The following STK39 variants were observed in gnomAD, a reference collection of about 807,000 sequenced individuals.
The protein encoded by STK39 is STE20/SPS1-related proline-alanine-rich protein kinase.
In STK39, 20 loss-of-function variants were observed where a neutral mutation model predicts 77.8. The ratio of observed to expected loss-of-function variants is 0.26; its 90% CI spans 0.18 to 0.37. The LOEUF (loss-of-function observed/expected upper bound fraction) is 0.37, where lower values mean the gene tolerates loss of function less well. Among genes scored for constraint, STK39 ranks in the 10% least tolerant of loss-of-function variants. STK39 has a pLI of 1.00. For synonymous variants in STK39, 246 were observed against 234.1 expected (o/e 1.05, Z -0.47); for missense variants, 479 against 656.5 (o/e 0.73, Z 2.95).
chr2:168,057,539 C>T lies in STK39; in HGVS notation c.1376+5961G>A, dbSNP rs538164260. Among the ~76,000 whole-genome samples the T allele has an allele frequency of 4.7e-4, 71 of 151,764 alleles. No homozygotes were observed. The South Asian group carries it at 9.9e-3, about 21-fold the overall frequency. ...TTGTGTTTCCTTAATTATAATCACA[C>T]GCACGTGCACACACACACACGCATG... is the stretch of plus-strand genomic sequence containing the variant. On this transcript the variant is annotated intron_variant, in intron 14 of 17. Transcript: ENST00000355999.
chr2:168,225,333 T>G (rs1213909820), intron 1 of STK39, among the ~76,000 whole-genome samples: 1 of 150,130 alleles, frequency 6.7e-6, no homozygotes, highest in Non-Finnish European at 1.5e-5. Flanking sequence ...GAGGATCAGA[T>G]TCTCTTCTCA....
At chr2:167,960,372 T>A (rs1450523805) in intron 17 of STK39, among the ~76,000 whole-genome samples, 1 of 148,528 alleles carries the variant, frequency 6.7e-6, no homozygotes. Context: ...AACAGCTTCT[T>A]TGGGTCTTCA....
At chr2:168,025,633 G>T (rs576076194) in intron 14 of STK39, among the ~76,000 whole-genome samples, 8 of 152,350 alleles carry the variant, frequency 5.3e-5, no homozygotes, top group African/African-American at 1.7e-4. Flanking sequence ...TGAGGGAGCT[G>T]CTATTCAGGG....
intron 1 of STK39, among the ~76,000 whole-genome samples, chr2:168,192,869 C>T (rs1689374967): frequency 6.6e-6 from 1 of 152,112 alleles, no homozygotes; most frequent in African/African-American, 2.4e-5. Context: ...CTACTTATCC[C>T]CACCTCCCTA....
intron 17 of STK39, among the ~76,000 whole-genome samples, chr2:167,958,819 T>C (rs1306279650): frequency 6.6e-6 from 1 of 152,242 alleles, no homozygotes; most frequent in Non-Finnish European, 1.5e-5. Flanking sequence ...TTAAAATCTA[T>C]TGGTCTACCT....
intron 1 of STK39, among the ~76,000 whole-genome samples, chr2:168,190,971 T>A (rs971169809): frequency 6.6e-6 from 1 of 152,194 alleles, no homozygotes; most frequent in African/African-American, 2.4e-5. Context: ...GATAAACGGA[T>A]ACACCCACTG....
chr2:168,246,142 T>C (rs1300232838), intron 1 of STK39, among the ~76,000 whole-genome samples: 2 of 152,192 alleles, frequency 1.3e-5, no homozygotes, highest in African/African-American at 2.4e-5. Flanking sequence ...TCCTTTTTCA[T>C]CGCTGTACTT....
intron 10 of STK39, among the ~76,000 whole-genome samples, chr2:168,127,307 C>T (rs1475313500): frequency 2.0e-5 from 3 of 152,038 alleles, no homozygotes; most frequent in Admixed American, 1.3e-4. Flanking sequence ...CCTACCACCA[C>T]GCCCAGCTAA....
At chr2:167,985,352 G>C (rs546233573) in intron 16 of STK39, among the ~76,000 whole-genome samples, 1 of 152,262 alleles carries the variant, frequency 6.6e-6, no homozygotes, top group Admixed American at 6.5e-5. Context: ...TTGTGCACTT[G>C]TTTGTTTCAC....
rs1319831660 is a variant in STK39 at position 168,245,756 on chromosome 2, G to T, written c.208+1472C>A. 2.0e-5 allele frequency among the ~76,000 whole-genome samples: 3 copies of T among 152,164 alleles called. No individual in the cohort carries two copies. In the South Asian group the frequency reaches 6.2e-4, roughly 32 times the overall value. ...ATGCCAGGTTAAAGAGGTTTCCATG[G>T]AATATTCCAGGCTTTGAGAAGCCCC... On this transcript the variant is annotated intron_variant, in intron 1 of 17. Transcript: ENST00000355999.
intron 2 of STK39, among the ~76,000 whole-genome samples, chr2:168,168,288 T>C (rs1423726731): frequency 6.6e-6 from 1 of 152,188 alleles, no homozygotes; most frequent in African/African-American, 2.4e-5. Flanking sequence ...TTCTGGAATA[T>C]TCAGTTTCAT....
intron 1 of STK39, among the ~76,000 whole-genome samples, chr2:168,213,195 C>A (rs1294226051): frequency 6.6e-6 from 1 of 152,076 alleles, no homozygotes; most frequent in Non-Finnish European, 1.5e-5. Context: ...AAGAACATAG[C>A]GCTGAATTTA....
chr2:168,025,394 C>A (rs894264990), intron 14 of STK39, among the ~76,000 whole-genome samples: 2 of 152,158 alleles, frequency 1.3e-5, no homozygotes, highest in African/African-American at 4.8e-5. Context: ...ATAGTGATGG[C>A]CCACTATCAA....
chr2:168,047,247 G>A (rs1224569012), intron 14 of STK39, among the ~76,000 whole-genome samples: 3 of 152,198 alleles, frequency 2.0e-5, no homozygotes, highest in African/African-American at 7.2e-5. Context: ...CTAGGCTAAT[G>A]TAGTCAAAAG....
At chr2:168,065,471 A>G (rs1045516909) in intron 12 of STK39, 90 bp from the exon 13 acceptor site, 78 of 1,313,632 alleles carry the variant, frequency 5.9e-5, no homozygotes, top group Non-Finnish European at 8.1e-5. Context: ...ATCAGACCCA[A>G]TAATTTCCAA....
intron 14 of STK39, among the ~76,000 whole-genome samples, chr2:168,060,514 T>A (rs1462519433): frequency 6.6e-6 from 1 of 152,180 alleles, no homozygotes; most frequent in Admixed American, 6.5e-5. Context: ...TCCACAACTA[T>A]GAGAAAATAC....
Position 167,982,780 on chromosome 2 carries a change from TC to T in STK39, c.1499-18055del, listed in dbSNP as rs1487960311. Among the ~76,000 whole-genome samples, 5 of 152,222 alleles carry T rather than the reference TC, an allele frequency of 3.3e-5. No individual in the cohort carries two copies. The East Asian group carries it at 7.7e-4, about 24-fold the overall frequency. The stretch of plus-strand genomic sequence containing the variant: ...AGCACTTTTTCAGAAGCTGCTATTT[TC>T]CCCCCACAAAGATGAAGATAGGTAG... On this transcript the variant is annotated intron_variant, in intron 16 of 17. Transcript: ENST00000355999.
chr2:168,158,903 T>C (rs1312899173), intron 5 of STK39, among the ~76,000 whole-genome samples: 1 of 152,220 alleles, frequency 6.6e-6, no homozygotes, highest in African/African-American at 2.4e-5. Flanking sequence ...ATTTGGACTG[T>C]GTTCAACAGA....
At chr2:168,110,676 TGG>T (rs1207008430) in intron 10 of STK39, among the ~76,000 whole-genome samples, 2 of 152,226 alleles carry the variant, frequency 1.3e-5, no homozygotes, top group Non-Finnish European at 2.9e-5. Context: ...GGTCTACTTC[TGG>T]GTTCTTTATT....
Sources: allele counts gnomAD v4.1 joint callset (sites outside exome capture counted in the v4.1 genomes callset), GRCh38; gene constraint gnomAD v4.1.1; transcripts MANE v1.5; gene names NCBI Gene and HGNC (gene_info 2026-07-23, HGNC 2026-07-21).